The following ZSCAN5A variants were observed in gnomAD, a reference collection of about 807,000 sequenced individuals.
ZSCAN5A encodes the protein zinc finger and SCAN domain containing 5A, also known as zinc finger and SCAN domain-containing protein 5A.
Under a neutral mutation model 23.7 loss-of-function variants are expected in ZSCAN5A, and 12 were observed. The observed-to-expected ratio is 0.51, with a 90% confidence interval of 0.32 to 0.82. ZSCAN5A has a LOEUF of 0.82. ZSCAN5A is among the 40% of genes least tolerant of loss of function. The probability of loss-of-function intolerance (pLI) is 0.03; values close to 1 mark genes in which losing one functional copy is unlikely to be tolerated. For synonymous variants in ZSCAN5A, 257 were observed against 239.9 expected (o/e 1.07, Z -0.66); for missense variants, 597 against 617.9 (o/e 0.97, Z 0.36).
intron 2 of ZSCAN5A, among the ~76,000 whole-genome samples, chr19:56,356,699 T>C (rs2041702600): frequency 6.7e-6 from 1 of 149,010 alleles, no homozygotes. Flanking sequence ...ATTTACCCCA[T>C]ATCCTTCTTT....
intron 2 of ZSCAN5A, among the ~76,000 whole-genome samples, chr19:56,232,671 T>C (rs56092144): frequency 0.02 from 2,227 of 110,820 alleles, 64 homozygotes; most frequent in African/African-American, 0.061. Context: ...AGGCTAATTT[T>C]TTTTTCTTTT....
At chr19:56,304,676 G>C (rs1007815870) in intron 2 of ZSCAN5A, 2 of 469,606 alleles carry the variant, frequency 4.3e-6, no homozygotes, top group Admixed American at 6.4e-5. Context: ...AAGAGCAGAG[G>C]GGGAGGACGG....
chr19:56,282,145 T>A (rs2038761331), intron 2 of ZSCAN5A, among the ~76,000 whole-genome samples: 1 of 152,086 alleles, frequency 6.6e-6, no homozygotes, highest in Non-Finnish European at 1.5e-5. Flanking sequence ...TTCCCAGAAT[T>A]AACATCCAGT....
At position 56,222,006 on chromosome 19, in the gene ZSCAN5A, G is replaced by T; in HGVS notation, c.1060C>A (p.Pro354Thr). ...TCGCACACGTCACATGCAAAGGGCGGCAGTGCCTTGGCTTCTTGGCCATCC... is the reference window on the plus strand; with the variant it reads ...TCGCACACGTCACATGCAAAGGGCGTCAGTGCCTTGGCTTCTTGGCCATCC... ...HPDGQEAKAL[P>T]PFACDVCEKR... The change falls in exon 6 of 6, where the codon CCG (proline) becomes ACG (threonine). Residue 354 changes from proline to threonine, a missense_variant. Physicochemically the swap from Pro to Thr is conservative, Grantham distance 38. This residue lies in a region of ZSCAN5A where 406 missense variants were observed against 353.2 expected (regional missense o/e 1.15). Transcript: ENST00000683990. The T allele has an allele frequency of 6.2e-7, 1 of 1,614,210 alleles. No homozygotes were observed. The highest frequency in any genetic ancestry group is 1.1e-5 in the South Asian group (1 of 91,090).
chr19:56,312,127 C>T (rs1270032966), intron 2 of ZSCAN5A: 1 of 152,090 alleles, frequency 6.6e-6, no homozygotes, highest in Non-Finnish European at 1.5e-5. Flanking sequence ...CAGTTATATC[C>T]TTCATTTTGT....
intron 2 of ZSCAN5A, among the ~76,000 whole-genome samples, chr19:56,329,926 C>T (rs2041474350): frequency 6.6e-6 from 1 of 152,090 alleles, no homozygotes; most frequent in Non-Finnish European, 1.5e-5. Context: ...GATGATTGAT[C>T]CTGTCACTCA....
intron 2 of ZSCAN5A, among the ~76,000 whole-genome samples, chr19:56,248,287 G>A (rs1381286975): frequency 6.6e-6 from 1 of 151,658 alleles, no homozygotes; most frequent in Non-Finnish European, 1.5e-5. Flanking sequence ...TTGAGATGGG[G>A]CCTCACTCTT....
intron 2 of ZSCAN5A, among the ~76,000 whole-genome samples, chr19:56,253,323 C>A (rs866827992): frequency 6.8e-6 from 1 of 147,880 alleles, no homozygotes; most frequent in Non-Finnish European, 1.5e-5. Flanking sequence ...AGAAGGTGGG[C>A]AGGGAGGAGG....
chr19:56,292,532 C>T (rs184607359), intron 2 of ZSCAN5A, among the ~76,000 whole-genome samples: 32 of 149,848 alleles, frequency 2.1e-4, no homozygotes, highest in Non-Finnish European at 3.5e-4. Flanking sequence ...AAGCAATCCT[C>T]CTACCTCAGC....
At chr19:56,302,299 T>C (rs1203742614) in intron 2 of ZSCAN5A, among the ~76,000 whole-genome samples, 1 of 150,046 alleles carries the variant, frequency 6.7e-6, no homozygotes, top group Non-Finnish European at 1.5e-5. Context: ...TCTCTCCTTC[T>C]TCCCTCTTTT....
At chr19:56,310,609 G>A (rs1389489774) in intron 2 of ZSCAN5A, among the ~76,000 whole-genome samples, 1 of 152,196 alleles carries the variant, frequency 6.6e-6, no homozygotes, top group African/African-American at 2.4e-5. Flanking sequence ...ATCACACTAA[G>A]CTACACAGCT....
intron 2 of ZSCAN5A, among the ~76,000 whole-genome samples, chr19:56,226,293 C>T (rs1392797747): frequency 6.6e-6 from 1 of 152,084 alleles, no homozygotes; most frequent in Non-Finnish European, 1.5e-5. Context: ...CGGGAGACAA[C>T]CCAGAGGAGG....
intron 2 of ZSCAN5A, among the ~76,000 whole-genome samples, chr19:56,273,204 A>G (rs1419245190): frequency 6.6e-6 from 1 of 152,208 alleles, no homozygotes; most frequent in Non-Finnish European, 1.5e-5. Context: ...CATCTGACCA[A>G]CGGGGCTCAC....
intron 2 of ZSCAN5A, among the ~76,000 whole-genome samples, chr19:56,287,609 GC>G (rs1224492912): frequency 1.3e-5 from 2 of 152,154 alleles, no homozygotes; most frequent in African/African-American, 2.4e-5. Context: ...TGAAGTGCCT[GC>G]CACGAAACCA....
At chr19:56,345,372 AAAG>A (rs1157614840) in intron 2 of ZSCAN5A, among the ~76,000 whole-genome samples, 4 of 152,226 alleles carry the variant, frequency 2.6e-5, no homozygotes, top group African/African-American at 9.6e-5. Flanking sequence ...AGACATGCGG[AAAG>A]AAGTACATCT....
At chr19:56,339,066 G>T (rs111981280) in intron 2 of ZSCAN5A, among the ~76,000 whole-genome samples, 24 of 152,358 alleles carry the variant, frequency 1.6e-4, no homozygotes, top group African/African-American at 5.8e-4. Flanking sequence ...TCTTTTCATT[G>T]TAACTAATTA....
At chr19:56,356,517 C>A (rs889420628) in intron 2 of ZSCAN5A, among the ~76,000 whole-genome samples, 1 of 147,892 alleles carries the variant, frequency 6.8e-6, no homozygotes, top group Admixed American at 6.7e-5. Flanking sequence ...ACAGAAGGAG[C>A]ACAGGCTGTT....
At chr19:56,251,523 G>A (rs1026489071) in intron 2 of ZSCAN5A, among the ~76,000 whole-genome samples, 3 of 151,566 alleles carry the variant, frequency 2.0e-5, no homozygotes, top group African/African-American at 7.3e-5. Context: ...GGCACACGAT[G>A]GCCTGCTACC....
At chr19:56,273,292 A>G (rs1471832893) in intron 2 of ZSCAN5A, among the ~76,000 whole-genome samples, 2 of 152,208 alleles carry the variant, frequency 1.3e-5, no homozygotes, top group Non-Finnish European at 2.9e-5. Context: ...CAACATTACC[A>G]TAGTTAGATA....
Sources: gnomAD v4.1 joint callset for allele counts (sites outside exome capture counted in the v4.1 genomes callset) on GRCh38, gnomAD v4.1.1 for gene constraint, gnomAD v4.1.1 regional missense constraint, MANE v1.5 for transcripts, NCBI Gene and HGNC (gene_info 2026-07-23, HGNC 2026-07-21) for gene names.